Variants in NOS1AP observed in about 807,000 individuals in gnomAD.
NOS1AP encodes carboxyl-terminal PDZ ligand of neuronal nitric oxide synthase protein.
Under a neutral mutation model 56.2 loss-of-function variants are expected in NOS1AP, and 21 were observed. The ratio of observed to expected loss-of-function variants is 0.37; its 90% confidence interval spans 0.26 to 0.54. The LOEUF is 0.54. Among genes scored for constraint, NOS1AP ranks in the 20% least tolerant of loss-of-function variants. The pLI, the probability that NOS1AP is intolerant of heterozygous loss-of-function variation, is 0.84. For missense variants in NOS1AP, 522 were observed against 657.8 expected, an observed-to-expected ratio of 0.79 and a Z score of 2.26; for synonymous variants, 270 against 274.6, an observed-to-expected ratio of 0.98 and a Z score of 0.17.
At position 162,331,518 on chromosome 1, in the gene NOS1AP, C is replaced by T. The variant is rs1656768147; in HGVS notation, c.345-1499C>T. On this transcript the variant is annotated intron_variant, in intron 4 of 9. Coordinates refer to ENST00000361897, the MANE Select transcript of NOS1AP (RefSeq NM_014697.3). ...ATTAGTAGTCCCATTGTACAGATAA[C>T]AAAACTGAGCCTCTGAGGGGTGACA... Among the ~76,000 whole-genome samples, 5 of 152,112 alleles carry T rather than the reference C, an allele frequency of 3.3e-5. No homozygotes were observed. The South Asian group carries it at 1.0e-3, about 31-fold the overall frequency.
intron 2 of NOS1AP, among the ~76,000 whole-genome samples, chr1:162,238,615 A>G (rs1173623840): frequency 6.6e-6 from 1 of 152,242 alleles, no homozygotes; most frequent in Admixed American, 6.5e-5. Flanking sequence ...GAATAATTTA[A>G]TTATTACATA....
At chr1:162,254,438 G>C (rs183477951) in intron 2 of NOS1AP, among the ~76,000 whole-genome samples, 5 of 152,206 alleles carry the variant, frequency 3.3e-5, no homozygotes, top group Non-Finnish European at 5.9e-5. Context: ...GCAGGGGCCA[G>C]TGGTTTTAAA....
At chr1:162,270,729 A>T (rs1044317879) in intron 2 of NOS1AP, among the ~76,000 whole-genome samples, 20 of 152,240 alleles carry the variant, frequency 1.3e-4, no homozygotes, top group Non-Finnish European at 2.4e-4. Context: ...TATTTTATAT[A>T]GGTCAGTGAT....
chr1:162,361,217 G>T (rs1220450102), intron 8 of NOS1AP, among the ~76,000 whole-genome samples: 1 of 152,148 alleles, frequency 6.6e-6, no homozygotes, highest in African/African-American at 2.4e-5. Flanking sequence ...TTTCCAGAAA[G>T]AAATATGGTC....
rs150288394 is a variant in NOS1AP, at chr1:162,082,787, A to G, written c.105+12505A>G. Reference sequence around the variant, plus strand: ...GGCCCCATGGTGCCTCTGGTAGAGTACAAAACGCTGAAAAGGTCATTCCCA... The same window carrying G: ...GGCCCCATGGTGCCTCTGGTAGAGTGCAAAACGCTGAAAAGGTCATTCCCA... On this transcript the variant is annotated intron_variant, in intron 1 of 9. Coordinates refer to ENST00000361897, the MANE Select transcript of NOS1AP (RefSeq NM_014697.3). Among the ~76,000 whole-genome samples, 246 of 152,270 alleles carry G rather than the reference A, an allele frequency of 1.6e-3. 2 individuals carry two copies. Among genetic ancestry groups the G allele is most frequent in the African/African-American group, 5.7e-3 (237 of 41,550 alleles).
intron 2 of NOS1AP, among the ~76,000 whole-genome samples, chr1:162,210,922 C>G (rs898261833): frequency 6.6e-6 from 1 of 152,238 alleles, no homozygotes; most frequent in African/African-American, 2.4e-5. Flanking sequence ...GAGTCCGCAG[C>G]TGCTGTGATG....
intron 8 of NOS1AP, among the ~76,000 whole-genome samples, chr1:162,358,788 T>G (rs1049420009): frequency 9.2e-5 from 14 of 152,222 alleles, no homozygotes; most frequent in African/African-American, 3.4e-4. Flanking sequence ...TAATTATTAT[T>G]TATCTAAGAG....
chr1:162,173,709 G>A (rs1420410467), intron 2 of NOS1AP, among the ~76,000 whole-genome samples: 10 of 151,972 alleles, frequency 6.6e-5, no homozygotes, highest in Admixed American at 1.3e-4. Context: ...AACTCAAACA[G>A]ATTTACAAGA....
rs35637289 is a variant in NOS1AP at position 162,255,490 on chromosome 1, A to ATTTTTTTTTTTTTTT, written c.178-31833_178-31819dup. Among the ~76,000 whole-genome samples the ATTTTTTTTTTTTTTT allele has an allele frequency of 1.0e-3, 61 of 60,988 alleles. 9 individuals are homozygous for ATTTTTTTTTTTTTTT. Among genetic ancestry groups the ATTTTTTTTTTTTTTT allele is most frequent in the Admixed American group, 1.1e-3 (5 of 4,592 alleles). The allele number at this position is 60,988 out of a possible 152,430, so 40.0% of individuals were successfully genotyped here. A position where few individuals can be genotyped will look rare whatever the true frequency, so the allele number is the denominator to read the frequency against. On this transcript the variant is annotated intron_variant, in intron 2 of 9. Transcript: ENST00000361897. ...ATGCATAGGTTATTTGCTGCTGCTGATTTTTTTTTTTTTTTTTTTTTTTTT... is the reference window on the plus strand; with the variant it reads ...ATGCATAGGTTATTTGCTGCTGCTGATTTTTTTTTTTTTTTTTTTTTTTTTTTTTTTTTTTTTTTT...
chr1:162,088,956 C>G (rs1005819581), intron 1 of NOS1AP, among the ~76,000 whole-genome samples: 8 of 152,148 alleles, frequency 5.3e-5, no homozygotes, highest in Non-Finnish European at 1.0e-4. Flanking sequence ...TTCTCTCCCT[C>G]TCGCCATTCT....
At chr1:162,318,784 A>G (rs1421790655) in intron 4 of NOS1AP, among the ~76,000 whole-genome samples, 1 of 151,972 alleles carries the variant, frequency 6.6e-6, no homozygotes, top group African/African-American at 2.4e-5. Context: ...AGACAATTCC[A>G]TCTGGCTTTT....
chr1:162,328,347 C>G (rs1656660556), intron 4 of NOS1AP, among the ~76,000 whole-genome samples: 1 of 152,210 alleles, frequency 6.6e-6, no homozygotes, highest in Non-Finnish European at 1.5e-5. Flanking sequence ...CCATCCTGCA[C>G]ATGTACCCCG....
chr1:162,241,187 G>A (rs982751615), intron 2 of NOS1AP, among the ~76,000 whole-genome samples: 1 of 152,176 alleles, frequency 6.6e-6, no homozygotes, highest in Non-Finnish European at 1.5e-5. Context: ...CTTGAAAGAT[G>A]ACCAAGAATT....
Position 162,287,449 on chromosome 1 carries a change from G to T in NOS1AP, c.270+13G>T. 6.3e-7 allele frequency: 1 copy of T among 1,576,756 alleles called. No individual in the cohort carries two copies. Among genetic ancestry groups the T allele is most frequent in the South Asian group, 1.1e-5 (1 of 90,322 alleles). On this transcript the variant is annotated intron_variant, in intron 3 of 9. Coordinates refer to ENST00000361897, the MANE Select transcript of NOS1AP (RefSeq NM_014697.3). ...GAAGAAGAAAAAGGTAAGTGGCTCT[G>T]AACCAGAATCTGAGGTGAAGAGGAA...
At chr1:162,257,584 G>A (rs968970269) in intron 2 of NOS1AP, among the ~76,000 whole-genome samples, 2 of 151,948 alleles carry the variant, frequency 1.3e-5, no homozygotes, top group African/African-American at 4.8e-5. Context: ...AGGAGGCAGA[G>A]GTTGCAGTGA....
chr1:162,280,511 T>C (rs1654887831), intron 2 of NOS1AP, among the ~76,000 whole-genome samples: 1 of 152,230 alleles, frequency 6.6e-6, no homozygotes, highest in African/African-American at 2.4e-5. Context: ...CGCCAACTTT[T>C]GGCCGTACTT....
chr1:162,320,708 G>A (rs2101780030), intron 4 of NOS1AP, among the ~76,000 whole-genome samples: 1 of 152,220 alleles, frequency 6.6e-6, no homozygotes, highest in African/African-American at 2.4e-5. Context: ...AGAAAAATTA[G>A]CTGAGCGTGG....
chr1:162,281,842 C>T (rs1050399477), intron 2 of NOS1AP, among the ~76,000 whole-genome samples: 7 of 152,154 alleles, frequency 4.6e-5, no homozygotes, highest in Admixed American at 6.5e-5. Flanking sequence ...CATTTTAGGC[C>T]GGGCGCGGTG....
chr1:162,266,931 T>C (rs1192649315), intron 2 of NOS1AP, among the ~76,000 whole-genome samples: 1 of 152,228 alleles, frequency 6.6e-6, no homozygotes, highest in East Asian at 1.9e-4. Context: ...ACTCAAACCC[T>C]TTGTACAGTT....
Sources: gnomAD v4.1 joint callset for allele counts (sites outside exome capture counted in the v4.1 genomes callset) on GRCh38, gnomAD v4.1.1 for gene constraint, MANE v1.5 for transcripts, NCBI Gene and HGNC (gene_info 2026-07-23, HGNC 2026-07-21) for gene names.